Variants in PTPRD observed in about 807,000 individuals in gnomAD.
The protein encoded by PTPRD is protein tyrosine phosphatase receptor type D.
In PTPRD, 34 loss-of-function variants were observed where a neutral mutation model predicts 214.5. The observed-to-expected ratio is 0.16, with a 90% CI of 0.12 to 0.21. The LOEUF (loss-of-function observed/expected upper bound fraction) is 0.21. Among genes scored for constraint, PTPRD ranks in the 10% least tolerant of loss-of-function variants. PTPRD has a pLI of 1.00. For synonymous variants in PTPRD, 1,128 were observed against 845.7 expected, an observed-to-expected ratio of 1.33 and a Z score of -5.79; for missense variants, 2,545 against 2,398.7, an observed-to-expected ratio of 1.06 and a Z score of -1.27.
intron 11 of PTPRD, among the ~76,000 whole-genome samples, chr9:8,991,406 C>T (rs570129803): frequency 1.3e-5 from 2 of 152,080 alleles, no homozygotes; most frequent in South Asian, 4.2e-4. Context: ...TTTTCACCCC[C>T]TACAAGGTGC....
intron 10 of PTPRD, among the ~76,000 whole-genome samples, chr9:9,093,202 A>C (rs2099778757): frequency 6.6e-6 from 1 of 152,108 alleles, no homozygotes; most frequent in Non-Finnish European, 1.5e-5. Context: ...TAATAGAACT[A>C]AAAGGAGAAT....
In PTPRD at chr9:8,436,702, G is replaced by A. The variant is rs747692459; in HGVS notation, c.3989-13C>T. The A allele has an allele frequency of 1.3e-6, 2 of 1,591,394 alleles. No individual in the cohort carries two copies. Among genetic ancestry groups the A allele is most frequent in the Admixed American group, 1.7e-5 (1 of 59,750 alleles). ...TGGCTAGCCATACCTATTGAAAAAAGCAAAGAAGAAACACATTTGAAAACA... is the reference window on the plus strand; with the variant it reads ...TGGCTAGCCATACCTATTGAAAAAAACAAAGAAGAAACACATTTGAAAACA... On this transcript the variant is annotated splice_polypyrimidine_tract_variant and intron_variant, in intron 34 of 45. Coordinates refer to ENST00000381196, the MANE Select transcript of PTPRD (RefSeq NM_002839.4).
intron 3 of PTPRD, among the ~76,000 whole-genome samples, chr9:10,339,891 A>T (rs1038110057): frequency 6.6e-6 from 1 of 151,814 alleles, no homozygotes; most frequent in African/African-American, 2.4e-5. Flanking sequence ...GAGCTTCAAA[A>T]GCTTCCATCA....
chr9:8,588,804 G>C (rs2093874212), intron 14 of PTPRD, among the ~76,000 whole-genome samples: 1 of 152,074 alleles, frequency 6.6e-6, no homozygotes, highest in Non-Finnish European at 1.5e-5. Context: ...GCAGAAATAA[G>C]AATAACCCTC....
At chr9:9,011,915 G>T (rs1043121553) in intron 11 of PTPRD, among the ~76,000 whole-genome samples, 2 of 152,072 alleles carry the variant, frequency 1.3e-5, no homozygotes, top group Admixed American at 6.6e-5. Context: ...GTGTGGGCAG[G>T]ACCTGTGACA....
intron 11 of PTPRD, among the ~76,000 whole-genome samples, chr9:8,784,505 G>C (rs773271647): frequency 2.0e-5 from 3 of 152,184 alleles, no homozygotes; most frequent in Non-Finnish European, 2.9e-5. Flanking sequence ...CAGAGAACCT[G>C]AAAGACAAGG....
chr9:9,808,109 C>A (rs977729786), intron 5 of PTPRD, among the ~76,000 whole-genome samples: 4 of 152,096 alleles, frequency 2.6e-5, no homozygotes, highest in Non-Finnish European at 5.9e-5. Flanking sequence ...CTTGTTTAAG[C>A]CACACTTAAT....
intron 11 of PTPRD, among the ~76,000 whole-genome samples, chr9:8,739,873 G>T (rs1213886162): frequency 6.6e-6 from 1 of 152,102 alleles, no homozygotes; most frequent in Non-Finnish European, 1.5e-5. Flanking sequence ...ACGTAAGGGG[G>T]AGTTTCCGGG....
At chr9:10,038,049 C>T (rs950294760) in intron 3 of PTPRD, among the ~76,000 whole-genome samples, 1 of 152,066 alleles carries the variant, frequency 6.6e-6, no homozygotes, top group Non-Finnish European at 1.5e-5. Context: ...TTTATAATTC[C>T]AAATGCAGAC....
intron 3 of PTPRD, among the ~76,000 whole-genome samples, chr9:10,297,122 A>AT (rs2095700548): frequency 6.9e-6 from 1 of 144,530 alleles, no homozygotes; most frequent in African/African-American, 2.6e-5. Flanking sequence ...TATATATATA[A>AT]AATATATATA....
At chr9:9,006,494 GT>G (rs1211983911) in intron 11 of PTPRD, among the ~76,000 whole-genome samples, 3 of 152,030 alleles carry the variant, frequency 2.0e-5, no homozygotes, top group African/African-American at 7.2e-5. Flanking sequence ...GATCCCCAGA[GT>G]TTTATCTCTG....
chr9:9,635,250 G>T (rs796763962), intron 7 of PTPRD, among the ~76,000 whole-genome samples: 1 of 152,120 alleles, frequency 6.6e-6, no homozygotes. Context: ...TGCTTTCAAA[G>T]TACATTGAGA....
chr9:9,559,105 G>A (rs995416524), intron 8 of PTPRD, among the ~76,000 whole-genome samples: 8 of 152,068 alleles, frequency 5.3e-5, no homozygotes, highest in African/African-American at 1.7e-4. Context: ...ACTGTAGCCT[G>A]TCCTGCCACA....
chr9:9,875,632 T>TG (rs1418929681), intron 5 of PTPRD, among the ~76,000 whole-genome samples: 11 of 152,258 alleles, frequency 7.2e-5, no homozygotes, highest in African/African-American at 2.6e-4. Context: ...TAACAATGTC[T>TG]TATCAGTTTG....
At position 8,317,704 on chromosome 9, in the gene PTPRD, T is replaced by A; in HGVS notation, c.*170A>T. ...GGTTAGATTATTAAACTGTGAATTC[T>A]TGGTCCACCTGGAATAATTTGTTTT... is the stretch of plus-strand genomic sequence containing the variant. On this transcript the variant is annotated 3_prime_UTR_variant, in exon 46 of 46. Transcript: ENST00000381196. The A allele has an allele frequency of 5.7e-6, 3 of 529,718 alleles. No individual in the cohort carries two copies. The highest frequency in any genetic ancestry group is 6.9e-6 in the Non-Finnish European group (2 of 288,818). The allele number at this position is 529,718 out of a possible 1,614,324, so 32.8% of individuals were successfully genotyped here. A position where few individuals can be genotyped will look rare whatever the true frequency, so the allele number is the denominator to read the frequency against.
intron 3 of PTPRD, among the ~76,000 whole-genome samples, chr9:10,145,854 A>G (rs572404609): frequency 6.6e-6 from 1 of 152,238 alleles, no homozygotes; most frequent in South Asian, 2.1e-4. Flanking sequence ...ACATAATGGC[A>G]AAATGAAAAT....
chr9:8,336,646 A>C (rs1341994665), intron 43 of PTPRD, among the ~76,000 whole-genome samples: 1 of 150,988 alleles, frequency 6.6e-6, no homozygotes, highest in South Asian at 2.1e-4. Flanking sequence ...AAAAAAAAAA[A>C]CTACCATCAG....
chr9:8,424,848 G>C (rs531499682), intron 35 of PTPRD, among the ~76,000 whole-genome samples: 149 of 152,230 alleles, frequency 9.8e-4, no homozygotes, highest in Admixed American at 1.8e-3. Context: ...TTTTTAGCAA[G>C]TGATATATAA....
intron 14 of PTPRD, among the ~76,000 whole-genome samples, chr9:8,582,311 A>G (rs1363352867): frequency 6.6e-6 from 1 of 152,236 alleles, no homozygotes; most frequent in African/African-American, 2.4e-5. Context: ...TGAAAAAGTA[A>G]ATCTGTTAGA....
Sources: gnomAD v4.1 joint callset for allele counts (sites outside exome capture counted in the v4.1 genomes callset) on GRCh38, gnomAD v4.1.1 for gene constraint, MANE v1.5 for transcripts, NCBI Gene and HGNC (gene_info 2026-07-23, HGNC 2026-07-21) for gene names.